Variants in SPTBN5 observed in about 807,000 individuals in gnomAD.
SPTBN5 encodes spectrin beta, non-erythrocytic 5, also known as spectrin beta chain, non-erythrocytic 5.
SPTBN5 carries 513 observed loss-of-function variants against 477.6 expected under a neutral mutation model. That is an observed-to-expected ratio of 1.07 (90% CI 1.00 to 1.16). The LOEUF is 1.16. Among genes scored for constraint, SPTBN5 ranks in the 50% most tolerant of loss-of-function variants. SPTBN5 has a pLI of 0.00. For synonymous variants in SPTBN5, 2,169 were observed against 2,011.7 expected, an observed-to-expected ratio of 1.08 and a Z score of -2.09; for missense variants, 5,062 against 4,731.8, an observed-to-expected ratio of 1.07 and a Z score of -2.05.
Position 41,849,889 on chromosome 15 carries a change from G to T in SPTBN5, c.10992C>A (p.Ala3664=). 1 of 1,585,826 alleles carries T rather than the reference G, an allele frequency of 6.3e-7. No homozygotes were observed. The highest frequency in any genetic ancestry group is 1.2e-5 in the South Asian group (1 of 86,756). The change falls in exon 67 of 68, where the codon GCC becomes GCA. Residue 3664 remains alanine, a synonymous_variant. Coordinates refer to ENST00000320955, the MANE Select transcript of SPTBN5 (RefSeq NM_016642.4). ...SSLNECTTKD[A]RPGCLLRSDP is the part of the protein sequence containing the mutation. ...CCCACCTGAGTAGACATCCAGGCCG[G>T]GCATCCTTGGTCGTGCACTCATTCA... is the stretch of plus-strand genomic sequence containing the variant.
In SPTBN5 at chr15:41,871,910, C is replaced by A; in HGVS notation, c.5173G>T (p.Glu1725Ter). The stretch of plus-strand genomic sequence containing the variant: ...TGCAGCCTCAGGGTCCCCTCCAGTT[C>A]CCGGTCCCTGTGGTAACAGTCCGTG... ...LQELAATRDR[E>*]LEGTLRLHEF... The change falls in exon 28 of 68, where the codon GAA becomes TAA. Residue 1725 changes from glutamate (E) to a stop codon, truncating the protein, a stop_gained. Coordinates refer to ENST00000320955, the MANE Select transcript of SPTBN5 (RefSeq NM_016642.4). LOFTEE classifies it high-confidence loss of function. The A allele has an allele frequency of 6.3e-7, 1 of 1,577,080 alleles. No individual in the cohort carries two copies.
At chr15:41,888,115 G>T in intron 4 of SPTBN5, 30 bp from the exon 5 acceptor site, 1 of 1,548,134 alleles carries the variant, frequency 6.5e-7, no homozygotes. Context: ...GGGTCACCAT[G>T]CGGGGATGGG....
At position 41,852,745 on chromosome 15, in the gene SPTBN5, A is replaced by G. The variant is rs1595440389; in HGVS notation, c.10348-10T>C. 1.3e-6 allele frequency: 2 copies of G among 1,598,158 alleles called. No individual in the cohort carries two copies. The highest frequency in any genetic ancestry group is 2.2e-5 in the South Asian group (2 of 90,556). On this transcript the variant is annotated splice_polypyrimidine_tract_variant and intron_variant, in intron 60 of 67. Coordinates refer to ENST00000320955, the MANE Select transcript of SPTBN5 (RefSeq NM_016642.4). ...CATCTGACACTGAGTGCTGGGGAGAAGCATGTTCAGGTGACGCCCAGCTTG... is the reference window on the plus strand; with the variant it reads ...CATCTGACACTGAGTGCTGGGGAGAGGCATGTTCAGGTGACGCCCAGCTTG...
intron 22 of SPTBN5, 104 bp from the exon 23 acceptor site, chr15:41,875,160 G>A (rs1818176474): frequency 2.6e-6 from 3 of 1,143,488 alleles, no homozygotes; most frequent in African/African-American, 3.1e-5. Flanking sequence ...GATTCACCAG[G>A]GAGCTCTGTC....
At chr15:41,862,393 C>T in intron 43 of SPTBN5, 101 bp from the exon 44 acceptor site, 2 of 1,520,152 alleles carry the variant, frequency 1.3e-6, no homozygotes, top group Non-Finnish European at 1.8e-6. Flanking sequence ...CACAGGAGGG[C>T]CCATGGGCTG....
At chr15:41,881,910 G>A (rs1365569289) in intron 12 of SPTBN5, 26 bp downstream of exon 12, 1 of 1,513,298 alleles carries the variant, frequency 6.6e-7, no homozygotes, top group Non-Finnish European at 8.8e-7. Flanking sequence ...GGGAGACCAG[G>A]CGCCCTTCCC....
intron 39 of SPTBN5, 78 bp downstream of exon 39, chr15:41,865,730 C>T (rs2066277637): frequency 7.5e-7 from 1 of 1,340,592 alleles, no homozygotes; most frequent in African/African-American, 1.5e-5. Context: ...GCTCTACAGC[C>T]CACACTCTTT....
At position 41,887,283 on chromosome 15, in the gene SPTBN5, T is replaced by C; in HGVS notation, c.818A>G (p.Tyr273Cys). The C allele has an allele frequency of 1.3e-6, 2 of 1,551,176 alleles. No homozygotes were observed. The highest frequency in any genetic ancestry group is 1.7e-6 in the Non-Finnish European group (2 of 1,146,960). Reference protein sequence around the residue: ...AQPDERSIMTYVSLYYHYCSR... With the variant: ...AQPDERSIMTCVSLYYHYCSR... ...GCAGTAGTGGTAGTAGAGGGAGACG[T>C]AGGTCATGATAGAGCGCTCATCTGG... The change falls in exon 6 of 68, where the codon TAC (tyrosine) becomes TGC (cysteine). Residue 273 changes from tyrosine to cysteine, a missense_variant. Physicochemically the swap from Tyr to Cys is radical, Grantham distance 194 (BLOSUM62 -2). Coordinates refer to ENST00000320955, the MANE Select transcript of SPTBN5 (RefSeq NM_016642.4).
At position 41,855,336 on chromosome 15, in the gene SPTBN5, TGCTCCTGCAG is replaced by T. The variant is rs2065900818; in HGVS notation, c.9301_9310del (p.Leu3101SerfsTer18). Reference sequence around the variant, plus strand: ...TCGCTCCAGCTGGTGTAGCTGCAGCTGCTCCTGCAGGCCGTGCCCCCTGGCCTCCGCCCTC... The same window carrying T: ...TCGCTCCAGCTGGTGTAGCTGCAGCTGCCGTGCCCCCTGGCCTCCGCCCTC... On this transcript the variant is annotated frameshift_variant, in exon 55 of 68. Transcript: ENST00000320955. LOFTEE classifies it high-confidence loss of function. 3.7e-6 allele frequency: 6 copies of T among 1,608,008 alleles called. No homozygotes were observed. In the East Asian group the frequency reaches 1.3e-4, roughly 36 times the overall value.
intron 7 of SPTBN5, among the ~76,000 whole-genome samples, chr15:41,884,559 G>A (rs1331872471): frequency 2.0e-5 from 3 of 152,168 alleles, no homozygotes; most frequent in African/African-American, 7.2e-5. Flanking sequence ...CAATAGCTTT[G>A]TAACTGGTCT....
intron 29 of SPTBN5, 87 bp from the exon 30 acceptor site, chr15:41,870,647 C>T: frequency 9.0e-7 from 1 of 1,117,006 alleles, no homozygotes; most frequent in Non-Finnish European, 1.3e-6. Context: ...CAGCCCGCTC[C>T]TCTCTGAGTT....
Position 41,866,463 on chromosome 15 carries a change from G to A in SPTBN5, c.6511C>T (p.Gln2171Ter). 6.3e-7 allele frequency: 1 copy of A among 1,593,678 alleles called. No homozygotes were observed. Residue 2171 changes from glutamine to a stop codon, truncating the protein, a stop_gained, in exon 37 of 68, where the codon CAG (glutamine) becomes TAG (stop). Transcript: ENST00000320955. LOFTEE classifies it high-confidence loss of function. The part of the protein sequence containing the change: ...AEDWIQAWAQ[Q>*]LKEPVPPGDL... ...CCAGGAGGGACCGGCTCCTTCAGCT[G>A]CTGGGCCCACGCCTGGATCCAGTCC...
In SPTBN5 at chr15:41,850,641, G is replaced by A. The variant is rs192977604; in HGVS notation, c.10921+213C>T. 5.2e-4 allele frequency: 296 copies of A among 574,224 alleles called. 1 individual carries two copies. Among genetic ancestry groups the A allele is most frequent in the Non-Finnish European group, 6.2e-5 (20 of 323,612 alleles). 35.6% of individuals were successfully genotyped at this position (574,224 alleles called of 1,614,324 possible). A position where few individuals can be genotyped will look rare whatever the true frequency, so the allele number is the denominator to read the frequency against. ...GGACACAGCTGGGGGTTCAAAACTG[G>A]CCCCATCTCTGCTAATTAGCTGTGT... On this transcript the variant is annotated intron_variant, in intron 66 of 67. Transcript: ENST00000320955.
Position 41,890,091 on chromosome 15 carries a change from T to C in SPTBN5, c.499A>G (p.Lys167Glu). 6.2e-7 allele frequency: 1 copy of C among 1,607,138 alleles called. No individual in the cohort carries two copies. Among genetic ancestry groups the C allele is most frequent in the Non-Finnish European group, 8.5e-7 (1 of 1,175,732 alleles). ...GGGTACTGGGGACTGAGCCATACCT[T>C]GTCCAAGGAGATGTGGGAGATCTGG... ...RFQISHISLD[K>E]EEFGASAALL... is the part of the protein sequence containing the mutation. The change falls in exon 4 of 68, where the codon AAG becomes GAG. Residue 167 changes from lysine (K) to glutamate (E), a missense_variant and splice_region_variant. By Grantham distance (56) the Lys-to-Glu change is moderately conservative. Coordinates refer to ENST00000320955, the MANE Select transcript of SPTBN5 (RefSeq NM_016642.4).
chr15:41,848,938 A>G (rs2065649328), intron 67 of SPTBN5, among the ~76,000 whole-genome samples: 1 of 152,190 alleles, frequency 6.6e-6, no homozygotes, highest in Non-Finnish European at 1.5e-5. Context: ...TGTCCAGGAC[A>G]AGGCCTGTCC....
chr15:41,876,033 C>A, intron 21 of SPTBN5, 81 bp downstream of exon 21: 1 of 1,507,166 alleles, frequency 6.6e-7, no homozygotes, highest in Non-Finnish European at 8.9e-7. Context: ...TTCAAAGACT[C>A]TTCCATGAAA....
rs760141535 is a variant in SPTBN5 at position 41,876,147 on chromosome 15, G to A, written c.4089C>T (p.Leu1363=). The A allele has an allele frequency of 2.8e-5, 45 of 1,603,728 alleles. No homozygotes were observed. Among genetic ancestry groups the A allele is most frequent in the South Asian group, 5.5e-5 (5 of 91,080 alleles). Residue 1363 remains leucine, a synonymous_variant, in exon 21 of 68, where the codon CTC becomes CTT. Coordinates refer to ENST00000320955, the MANE Select transcript of SPTBN5 (RefSeq NM_016642.4). ...GGGCCTCCACGTGTCTGCGGGTGGC[G>A]AGTAGCTCGCTCTCAGCTGCTTCGT... ...KRHEAAESEL[L]ATRRHVEALQ...
chr15:41,850,960 T>C (rs760882562), intron 65 of SPTBN5, 21 bp from the exon 66 acceptor site: 15 of 1,595,044 alleles, frequency 9.4e-6, no homozygotes, highest in Admixed American at 1.7e-5. Context: ...CAGTCACAGG[T>C]CAAACTCCAC....
At position 41,868,134 on chromosome 15, in the gene SPTBN5, C is replaced by A. The variant is rs776041899; in HGVS notation, c.6142G>T (p.Glu2048Ter). 4 of 1,595,902 alleles carry A rather than the reference C, an allele frequency of 2.5e-6. No individual in the cohort carries two copies. Among genetic ancestry groups the A allele is most frequent in the Non-Finnish European group, 3.4e-6 (4 of 1,172,796 alleles). The stretch of plus-strand genomic sequence containing the variant: ...CTGAGGAAGAGCTGCTCCTGCTGCT[C>A]GGCCTGCAGCCTCTCTTGCTTCCGT... Reference protein sequence around the residue: ...WARKQERLQAEQQEQLFLREC... With the variant: ...WARKQERLQA Residue 2048 changes from glutamate to a stop codon, truncating the protein, a stop_gained, in exon 34 of 68, where the codon GAG becomes TAG. Transcript: ENST00000320955. LOFTEE classifies it high-confidence loss of function.
Sources: gnomAD v4.1 joint callset for allele counts (sites outside exome capture counted in the v4.1 genomes callset) on GRCh38, gnomAD v4.1.1 for gene constraint, MANE v1.5 for transcripts, NCBI Gene and HGNC (gene_info 2026-07-23, HGNC 2026-07-21) for gene names.